The following MBD5 variants were observed in gnomAD, a reference collection of about 807,000 sequenced individuals.
MBD5 encodes methyl-CpG binding domain protein 5.
MBD5 carries 13 observed loss-of-function variants against 117.3 expected under a neutral mutation model. The ratio of observed to expected loss-of-function variants is 0.11; its 90% confidence interval spans 0.07 to 0.18. The LOEUF is 0.18. MBD5 is among the 10% of genes least tolerant of loss of function. The pLI, the probability that MBD5 is intolerant of heterozygous loss-of-function variation, is 1.00. For synonymous variants in MBD5, 727 were observed against 766.4 expected (o/e 0.95, Z 0.85); for missense variants, 1,879 against 2,093.8 (o/e 0.90, Z 2.00).
chr2:148,196,969 T>C (rs1699004610), intron 2 of MBD5, among the ~76,000 whole-genome samples: 1 of 152,124 alleles, frequency 6.6e-6, no homozygotes, highest in African/African-American at 2.4e-5. Context: ...TGAACAAAAG[T>C]ATGGCAACTT....
rs193290714 is a variant in MBD5, at chr2:148,155,269, G to C, written c.-924-23431G>C. Among the ~76,000 whole-genome samples, 3 of 152,232 alleles carry C rather than the reference G, an allele frequency of 2.0e-5. No individual in the cohort carries two copies. In the East Asian group the frequency reaches 5.8e-4, roughly 29 times the overall value. The stretch of plus-strand genomic sequence containing the variant: ...GGAGGTGATAGATCAAGTCACGTGG[G>C]TACCTGGGGGAAGACTGTTACAGGA... On this transcript the variant is annotated intron_variant, in intron 1 of 13. Coordinates refer to ENST00000642680, the MANE Select transcript of MBD5 (RefSeq NM_001378120.1).
rs11897174 is a variant in MBD5 at position 148,120,431 on chromosome 2, A to T, written c.-924-58269A>T. On this transcript the variant is annotated intron_variant, in intron 1 of 13. Coordinates refer to ENST00000642680, the MANE Select transcript of MBD5 (RefSeq NM_001378120.1). ...AAGTCTTCTAATTCAGAAATGTAAC[A>T]TGTCTTTTCATTTATTTAGGTTTTC... is the stretch of plus-strand genomic sequence containing the variant. Among the ~76,000 whole-genome samples, 3 of 152,178 alleles carry T rather than the reference A, an allele frequency of 2.0e-5. No homozygotes were observed. In the East Asian group the frequency reaches 5.8e-4, roughly 29 times the overall value.
At chr2:148,349,141 G>C (rs373866451) in intron 4 of MBD5, among the ~76,000 whole-genome samples, 1 of 151,778 alleles carries the variant, frequency 6.6e-6, no homozygotes, top group African/African-American at 2.4e-5. Flanking sequence ...GTAAAAAAAA[G>C]GTCTCAGTAG....
chr2:148,431,883 T>A (rs1186869503), intron 4 of MBD5, among the ~76,000 whole-genome samples: 1 of 152,132 alleles, frequency 6.6e-6, no homozygotes, highest in Non-Finnish European at 1.5e-5. Context: ...GATTTATATT[T>A]CTTTGGTTGT....
chr2:148,260,337 A>G (rs1700703074), intron 3 of MBD5, among the ~76,000 whole-genome samples: 1 of 152,226 alleles, frequency 6.6e-6, no homozygotes, highest in East Asian at 1.9e-4. Context: ...CATAAGAAGC[A>G]ACTGCTCATC....
At chr2:148,489,356 C>A (rs1218490497) in intron 10 of MBD5, 30 bp from the exon 11 acceptor site, 1 of 1,613,620 alleles carries the variant, frequency 6.2e-7, no homozygotes, top group Non-Finnish European at 8.5e-7. Context: ...ATTTCCCTTT[C>A]TCTCACTGCT....
chr2:148,394,545 G>GTTTTTTTTTTTTTTTATTTTT (rs71856376), intron 4 of MBD5, among the ~76,000 whole-genome samples: 5 of 121,852 alleles, frequency 4.1e-5, no homozygotes, highest in Admixed American at 8.1e-5. Context: ...CTGTACTTTG[G>GTTTTTTTTTTTTTTTATTTTT]TTTTTTTTTT....
At position 148,483,572 on chromosome 2, in the gene MBD5, A is replaced by G. The variant is rs778404125; in HGVS notation, c.2981A>G (p.Gln994Arg). ...VHFQLLAALL[Q>R]NQAQAAAMLP... ...TTTCAGCTCTTAGCAGCCTTGCTTCAGAACCAAGCCCAAGCAGCTGCCATG... is the reference window on the plus strand; with the variant it reads ...TTTCAGCTCTTAGCAGCCTTGCTTCGGAACCAAGCCCAAGCAGCTGCCATG... The change falls in exon 9 of 14, where the codon CAG (glutamine) becomes CGG (arginine). Residue 994 changes from glutamine (Q) to arginine (R), a missense_variant. Gln to Arg is a conservative substitution (Grantham distance 43). Transcript: ENST00000642680. 1.3e-6 allele frequency: 2 copies of G among 1,565,256 alleles called. No individual in the cohort carries two copies.
intron 3 of MBD5, among the ~76,000 whole-genome samples, chr2:148,298,238 T>G (rs1301071208): frequency 1.3e-5 from 2 of 152,192 alleles, no homozygotes; most frequent in Non-Finnish European, 2.9e-5. Context: ...GAGTAGAATT[T>G]TACATCTGCA....
intron 1 of MBD5, among the ~76,000 whole-genome samples, chr2:148,022,895 C>T (rs1693799497): frequency 6.6e-6 from 1 of 152,096 alleles, no homozygotes; most frequent in South Asian, 2.1e-4. Context: ...TAGTGCATAG[C>T]TTTAAAATTC....
At chr2:148,116,001 G>A (rs985582895) in intron 1 of MBD5, among the ~76,000 whole-genome samples, 7 of 151,730 alleles carry the variant, frequency 4.6e-5, no homozygotes, top group East Asian at 1.9e-4. Flanking sequence ...ATGCCACCAC[G>A]CCCAGCTAAC....
At chr2:148,450,980 C>T (rs1706710165) in intron 4 of MBD5, among the ~76,000 whole-genome samples, 1 of 152,122 alleles carries the variant, frequency 6.6e-6, no homozygotes, top group Non-Finnish European at 1.5e-5. Context: ...TCTCTCTGTA[C>T]CTTGAGAGCT....
chr2:148,195,852 A>T (rs1698971508), intron 2 of MBD5, among the ~76,000 whole-genome samples: 1 of 152,258 alleles, frequency 6.6e-6, no homozygotes, highest in African/African-American at 2.4e-5. Flanking sequence ...AATTGTGATG[A>T]AACCACAACA....
chr2:148,237,785 G>A (rs935808395), intron 3 of MBD5, among the ~76,000 whole-genome samples: 1 of 152,114 alleles, frequency 6.6e-6, no homozygotes, highest in Admixed American at 6.6e-5. Context: ...ATAAAACAAA[G>A]CACAAGAAAA....
At chr2:148,247,843 TA>T (rs1402796422) in intron 3 of MBD5, among the ~76,000 whole-genome samples, 10 of 151,982 alleles carry the variant, frequency 6.6e-5, no homozygotes, top group African/African-American at 2.4e-4. Flanking sequence ...GGGAAAAAAA[TA>T]AAATTTAAAC....
At chr2:148,395,529 A>G (rs975797487) in intron 4 of MBD5, among the ~76,000 whole-genome samples, 3 of 151,174 alleles carry the variant, frequency 2.0e-5, no homozygotes, top group East Asian at 2.0e-4. Flanking sequence ...GGCTCAAGCA[A>G]TTCTCCTGCT....
intron 4 of MBD5, among the ~76,000 whole-genome samples, chr2:148,390,360 G>A (rs139969400): frequency 1.7e-4 from 25 of 151,412 alleles, no homozygotes; most frequent in East Asian, 1.5e-3. Flanking sequence ...CTTAAAGGCC[G>A]TATTTCTATA....
chr2:148,427,108 T>C (rs906989589), intron 4 of MBD5, among the ~76,000 whole-genome samples: 1 of 152,058 alleles, frequency 6.6e-6, no homozygotes, highest in African/African-American at 2.4e-5. Flanking sequence ...TGAGATACCA[T>C]CTCACACCAG....
intron 1 of MBD5, among the ~76,000 whole-genome samples, chr2:148,037,015 C>CA (rs35134951): frequency 0.5 from 76,022 of 151,590 alleles, 19,582 homozygotes; most frequent in Middle Eastern, 0.69. Flanking sequence ...GCGTAGATAA[C>CA]AAAAGTAATT....
Sources: gnomAD v4.1 joint callset for allele counts (sites outside exome capture counted in the v4.1 genomes callset) on GRCh38, gnomAD v4.1.1 for gene constraint, MANE v1.5 for transcripts, NCBI Gene and HGNC (gene_info 2026-07-23, HGNC 2026-07-21) for gene names.